The following ZNF236 variants were observed in gnomAD, a reference collection of about 807,000 sequenced individuals.
ZNF236 encodes zinc finger protein 236, also known as regulated by glucose.
Under a neutral mutation model 191.2 loss-of-function variants are expected in ZNF236, and 50 were observed. The ratio of observed to expected loss-of-function variants is 0.26; its 90% CI spans 0.21 to 0.33. The LOEUF is 0.33. Ranked by LOEUF, ZNF236 falls within the 10% of genes least tolerant of loss-of-function variation. The pLI is 1.00. For missense variants in ZNF236, 1,754 were observed against 2,374.5 expected (o/e 0.74, Z 5.43); for synonymous variants, 907 against 928.8 (o/e 0.98, Z 0.43).
rs764295476 is a variant in ZNF236 at position 76,849,647 on chromosome 18, G to A, written c.177G>A (p.Arg59=). 8.8e-6 allele frequency: 14 copies of A among 1,588,996 alleles called. No individual in the cohort carries two copies. In the South Asian group the frequency reaches 1.3e-4, roughly 15 times the overall value. Residue 59 remains arginine, a synonymous_variant, in exon 2 of 31, where the codon AGG becomes AGA. Transcript: ENST00000320610. ...AATCCCAGTTTCAACGCCACATGAG[G>A]GATCACGAGCGAAATGACAAGGTAT... ...PKESQFQRHM[R]DHERNDKPHR...
intron 27 of ZNF236, among the ~76,000 whole-genome samples, chr18:76,955,654 AG>A (rs1968505361): frequency 6.6e-6 from 1 of 152,318 alleles, no homozygotes; most frequent in South Asian, 2.1e-4. Flanking sequence ...TTCTCCCATG[AG>A]GACGCGACCA....
chr18:76,880,147 C>G lies in ZNF236; in HGVS notation c.1019C>G (p.Thr340Arg). ...TLFQTLPLQQ[T>R]EAQATSASSQ... ...TTTCAGACGTTACCTCTTCAACAGACGGAAGCCCAAGCCACGTCGGCCTCA... is the reference window on the plus strand; with the variant it reads ...TTTCAGACGTTACCTCTTCAACAGAGGGAAGCCCAAGCCACGTCGGCCTCA... The change falls in exon 8 of 31, where the codon ACG (threonine) becomes AGG (arginine). Residue 340 changes from threonine (T) to arginine (R), a missense_variant. Transcript: ENST00000320610. The surrounding 1 kb of genome is among the most constrained non-coding windows in gnomAD (Gnocchi z 5.0). The G allele has an allele frequency of 6.2e-7, 1 of 1,613,836 alleles. No homozygotes were observed. Among genetic ancestry groups the G allele is most frequent in the Non-Finnish European group, 8.5e-7 (1 of 1,179,942 alleles).
At chr18:76,921,224 G>A (rs1967523406) in intron 20 of ZNF236, among the ~76,000 whole-genome samples, 1 of 152,180 alleles carries the variant, frequency 6.6e-6, no homozygotes, top group African/African-American at 2.4e-5. Context: ...GGTGTGTTCA[G>A]CTAGAGAGTG....
rs1298280603 is a variant in ZNF236 at position 76,925,808 on chromosome 18, G to A, written c.4027+254G>A. ...ACTTTGTTTAGCTTTTGTTTTTAGT[G>A]GGTGTAAACCTGTTTTTACTCAGTT... On this transcript the variant is annotated intron_variant, in intron 22 of 30. Coordinates refer to ENST00000320610, the MANE Select transcript of ZNF236 (RefSeq NM_001306089.2). This position sits in a 1 kb window ranked among gnomAD's most constrained non-coding sequence, Gnocchi z 5.7. 6.6e-6 allele frequency among the ~76,000 whole-genome samples: 1 copy of A among 152,188 alleles called. No homozygotes were observed. Among genetic ancestry groups the A allele is most frequent in the African/African-American group, 2.4e-5 (1 of 41,462 alleles).
In ZNF236 at chr18:76,880,712, C is replaced by T. The variant is rs1006836509; in HGVS notation, c.1188+396C>T. On this transcript the variant is annotated intron_variant, in intron 8 of 30. Coordinates refer to ENST00000320610, the MANE Select transcript of ZNF236 (RefSeq NM_001306089.2). This position sits in a 1 kb window ranked among gnomAD's most constrained non-coding sequence, Gnocchi z 5.0. The stretch of plus-strand genomic sequence containing the variant: ...TTCTGAGAGCGTTCATACTGCCTGG[C>T]CTTCTCTCGTGGGTGTGTGGGCAGC... Among the ~76,000 whole-genome samples, 1 of 152,096 alleles carries T rather than the reference C, an allele frequency of 6.6e-6. No homozygotes were observed. Among genetic ancestry groups the T allele is most frequent in the Non-Finnish European group, 1.5e-5 (1 of 68,016 alleles).
chr18:76,907,533 T>C, intron 13 of ZNF236, among the ~76,000 whole-genome samples: 1 of 152,176 alleles, frequency 6.6e-6, no homozygotes, highest in South Asian at 2.1e-4. Flanking sequence ...TTCACCATGT[T>C]GGCCAGGCTG....
intron 30 of ZNF236, among the ~76,000 whole-genome samples, chr18:76,967,902 G>A (rs1440707553): frequency 6.6e-6 from 1 of 152,154 alleles, no homozygotes; most frequent in African/African-American, 2.4e-5. Context: ...AGTGCTTCCT[G>A]CTTTCCTTTT....
intron 15 of ZNF236, 77 bp from the exon 16 acceptor site, chr18:76,910,583 T>C: frequency 7.0e-7 from 1 of 1,436,932 alleles, no homozygotes; most frequent in Non-Finnish European, 9.5e-7. Flanking sequence ...ACATTTTAAA[T>C]TTATAAACCT....
intron 5 of ZNF236, among the ~76,000 whole-genome samples, chr18:76,872,699 A>G (rs994311879): frequency 6.6e-6 from 1 of 152,232 alleles, no homozygotes; most frequent in Non-Finnish European, 1.5e-5. Context: ...ATAATATTGT[A>G]TTAGTAACAC....
intron 1 of ZNF236, among the ~76,000 whole-genome samples, chr18:76,837,410 T>C: frequency 6.6e-6 from 1 of 151,134 alleles, no homozygotes. Context: ...AGTGAAGGTC[T>C]GAATTCCTTT....
chr18:76,847,354 T>C (rs553331954), intron 1 of ZNF236, among the ~76,000 whole-genome samples: 1 of 152,352 alleles, frequency 6.6e-6, no homozygotes, highest in African/African-American at 2.4e-5. Context: ...ACAGACATTT[T>C]ATTTGTCTCT....
At chr18:76,947,796 G>C (rs767556806) in intron 27 of ZNF236, 144 bp downstream of exon 27, 35 of 934,496 alleles carry the variant, frequency 3.7e-5, no homozygotes, top group Non-Finnish European at 5.4e-5. Flanking sequence ...GCTGAATCCT[G>C]AGTGGACATA....
chr18:76,894,973 G>A, intron 9 of ZNF236, 40 bp from the exon 10 acceptor site: 1 of 1,596,980 alleles, frequency 6.3e-7, no homozygotes, highest in Non-Finnish European at 8.5e-7. Flanking sequence ...CCCTAGGCGG[G>A]GTGTCCAGGC....
Position 76,925,120 on chromosome 18 carries a change from C to G in ZNF236, c.3662-69C>G. 6.4e-7 allele frequency: 1 copy of G among 1,559,646 alleles called. No individual in the cohort carries two copies. The highest frequency in any genetic ancestry group is 8.7e-7 in the Non-Finnish European group (1 of 1,153,942). On this transcript the variant is annotated intron_variant, in intron 21 of 30. Transcript: ENST00000320610. The surrounding 1 kb of genome is among the most constrained non-coding windows in gnomAD (Gnocchi z 5.7). Reference sequence around the variant, plus strand: ...AACATATTTACATCCATAGTGACAGCTGAGTGGGGTGGGGGTGAGTGTCGC... The same window carrying G: ...AACATATTTACATCCATAGTGACAGGTGAGTGGGGTGGGGGTGAGTGTCGC...
rs185230702 is a variant in ZNF236, at chr18:76,830,600, A to G, written c.55+7938A>G. The stretch of plus-strand genomic sequence containing the variant: ...TTGGAAGAACTGTCTTGGGCCATAC[A>G]TAAAATACGCTAACACTAATGATAG... On this transcript the variant is annotated intron_variant, in intron 1 of 30. Transcript: ENST00000320610. 1.6e-3 allele frequency among the ~76,000 whole-genome samples: 243 copies of G among 152,282 alleles called. 1 individual carries two copies. The highest frequency in any genetic ancestry group is 5.3e-3 in the African/African-American group (222 of 41,548).
chr18:76,875,102 C>T lies in ZNF236; in HGVS notation c.668-390C>T, dbSNP rs547356699. 2.0e-5 allele frequency among the ~76,000 whole-genome samples: 3 copies of T among 152,088 alleles called. No homozygotes were observed. In the South Asian group the frequency reaches 6.2e-4, roughly 32 times the overall value. On this transcript the variant is annotated intron_variant, in intron 5 of 30. Coordinates refer to ENST00000320610, the MANE Select transcript of ZNF236 (RefSeq NM_001306089.2). The surrounding 1 kb of genome is among the most constrained non-coding windows in gnomAD (Gnocchi z 4.3). Reference sequence around the variant, plus strand: ...TTTGAGTGATAGGGGAGTGCCTTACCCTGGGGTGGTGGTTGTGGACGGGAA... The same window carrying T: ...TTTGAGTGATAGGGGAGTGCCTTACTCTGGGGTGGTGGTTGTGGACGGGAA...
At chr18:76,868,037 C>T (rs1568203470) in intron 3 of ZNF236, among the ~76,000 whole-genome samples, 1 of 151,872 alleles carries the variant, frequency 6.6e-6, no homozygotes, top group Non-Finnish European at 1.5e-5. Flanking sequence ...TAAAATATGT[C>T]CAAAATATGA....
rs564426874 is a variant in ZNF236, at chr18:76,972,429, TCA to T, written c.*4096_*4097del. ...ATGAGCACATAGCTCACCCTCACCC[TCA>T]CACACTCACCCACACACTCACCCTC... On this transcript the variant is annotated 3_prime_UTR_variant, in exon 31 of 31. Coordinates refer to ENST00000320610, the MANE Select transcript of ZNF236 (RefSeq NM_001306089.2). Among the ~76,000 whole-genome samples, 4 of 151,922 alleles carry T rather than the reference TCA, an allele frequency of 2.6e-5. No individual in the cohort carries two copies. Among genetic ancestry groups the T allele is most frequent in the African/African-American group, 9.7e-5 (4 of 41,394 alleles).
intron 1 of ZNF236, among the ~76,000 whole-genome samples, chr18:76,835,750 AT>A (rs1443067348): frequency 2.6e-5 from 4 of 152,102 alleles, no homozygotes; most frequent in African/African-American, 9.7e-5. Flanking sequence ...TTTGTCTTTA[AT>A]TGATATGCTG....
Sources: gnomAD v4.1 joint callset for allele counts (sites outside exome capture counted in the v4.1 genomes callset) on GRCh38, gnomAD v4.1.1 for gene constraint, Gnocchi (gnomAD v3.1) non-coding constraint, MANE v1.5 for transcripts, NCBI Gene and HGNC (gene_info 2026-07-23, HGNC 2026-07-21) for gene names.